Variants in MGAT4C observed in about 807,000 individuals in gnomAD.
MGAT4C encodes the protein MGAT4 family member C.
In MGAT4C, 19 loss-of-function variants were observed where a neutral mutation model predicts 40.1. The observed-to-expected ratio is 0.47, with a 90% CI of 0.33 to 0.70. The LOEUF is 0.70. MGAT4C is among the 30% of genes least tolerant of loss of function. The pLI, the probability that MGAT4C is intolerant of heterozygous loss-of-function variation, is 0.02. For missense variants in MGAT4C, 491 were observed against 563.2 expected (o/e 0.87, Z 1.30); for synonymous variants, 181 against 187.1 (o/e 0.97, Z 0.27).
chr12:86,137,540 C>T (rs1317109545), intron 1 of MGAT4C, among the ~76,000 whole-genome samples: 1 of 152,184 alleles, frequency 6.6e-6, no homozygotes, highest in Non-Finnish European at 1.5e-5. Context: ...TAAGTTTAAA[C>T]AAGCCCTTTG....
chr12:86,408,498 T>C (rs1956532093), intron 3 of MGAT4C, among the ~76,000 whole-genome samples: 1 of 142,670 alleles, frequency 7.0e-6, no homozygotes, highest in Non-Finnish European at 1.5e-5. Context: ...TATATATATA[T>C]ATATATATAT....
At chr12:86,464,574 T>C (rs1021274972) in intron 2 of MGAT4C, among the ~76,000 whole-genome samples, 1 of 152,176 alleles carries the variant, frequency 6.6e-6, no homozygotes, top group African/African-American at 2.4e-5. Flanking sequence ...CAGATGTTCT[T>C]AGAGCATATA....
chr12:86,138,496 T>TATATATCATATATATATTTCCATAG (rs1566037287), intron 1 of MGAT4C, among the ~76,000 whole-genome samples: 14 of 129,886 alleles, frequency 1.1e-4, no homozygotes, highest in South Asian at 4.5e-4. Flanking sequence ...TATTTCCATA[T>TATATATCATATATATATTTCCATAG]ATATATCATG....
chr12:86,470,301 T>C (rs1242135446), intron 2 of MGAT4C, among the ~76,000 whole-genome samples: 4 of 152,184 alleles, frequency 2.6e-5, no homozygotes, highest in Admixed American at 2.6e-4. Flanking sequence ...ATGGAAATAG[T>C]ACCCTTTGGT....
chr12:86,725,934 G>A (rs902084179), intron 2 of MGAT4C, among the ~76,000 whole-genome samples: 1 of 152,086 alleles, frequency 6.6e-6, no homozygotes, highest in Non-Finnish European at 1.5e-5. Flanking sequence ...TAGACTTTTA[G>A]GAATTAACTG....
chr12:86,406,944 G>A (rs1956485987), intron 3 of MGAT4C, among the ~76,000 whole-genome samples: 1 of 152,020 alleles, frequency 6.6e-6, no homozygotes, highest in Non-Finnish European at 1.5e-5. Flanking sequence ...CATAGGTTGT[G>A]GGCTCAGTCC....
At chr12:86,497,111 G>C (rs1348451673) in intron 2 of MGAT4C, among the ~76,000 whole-genome samples, 2 of 151,870 alleles carry the variant, frequency 1.3e-5, no homozygotes, top group Non-Finnish European at 2.9e-5. Flanking sequence ...AATCCAGATG[G>C]CTACAATTGC....
At chr12:86,050,148 A>G (rs896460288) in intron 1 of MGAT4C, among the ~76,000 whole-genome samples, 9 of 151,984 alleles carry the variant, frequency 5.9e-5, no homozygotes, top group Non-Finnish European at 1.2e-4. Context: ...CACTTCACCA[A>G]AAAGGTGCAC....
chr12:86,016,047 T>G (rs1889057961), intron 2 of MGAT4C: 1 of 152,194 alleles, frequency 6.6e-6, no homozygotes, highest in Non-Finnish European at 1.5e-5. Flanking sequence ...GACTGAGATT[T>G]GCTTGTAGGA....
chr12:86,384,761 C>T (rs186213023), intron 3 of MGAT4C, among the ~76,000 whole-genome samples: 4 of 152,278 alleles, frequency 2.6e-5, no homozygotes, highest in South Asian at 2.1e-4. Context: ...TTCTGTTTAA[C>T]GTCCAGTAAT....
At chr12:86,024,153 A>G (rs1890041680) in intron 2 of MGAT4C, among the ~76,000 whole-genome samples, 1 of 151,856 alleles carries the variant, frequency 6.6e-6, no homozygotes, top group African/African-American at 2.4e-5. Context: ...ATATGCATAT[A>G]CCCATTAACC....
At chr12:86,218,964 A>C (rs1313474941) in intron 1 of MGAT4C, among the ~76,000 whole-genome samples, 3 of 152,128 alleles carry the variant, frequency 2.0e-5, no homozygotes, top group Non-Finnish European at 4.4e-5. Flanking sequence ...ATGGATCACG[A>C]AGTCAAGAGA....
chr12:86,063,124 A>C (rs1894158357), intron 1 of MGAT4C, among the ~76,000 whole-genome samples: 1 of 152,300 alleles, frequency 6.6e-6, no homozygotes, highest in Admixed American at 6.5e-5. Flanking sequence ...GCAGCCAGAG[A>C]GAAAGGTCGG....
intron 1 of MGAT4C, among the ~76,000 whole-genome samples, chr12:86,240,467 T>C (rs1951738250): frequency 6.6e-6 from 1 of 152,108 alleles, no homozygotes; most frequent in Admixed American, 6.6e-5. Flanking sequence ...ACAATATTTA[T>C]TGGATAACTT....
At chr12:86,264,476 C>T (rs1952735682) in intron 4 of MGAT4C, among the ~76,000 whole-genome samples, 1 of 151,880 alleles carries the variant, frequency 6.6e-6, no homozygotes, top group South Asian at 2.1e-4. Flanking sequence ...GCGGGGGAGG[C>T]GGGGAGGGGG....
At chr12:86,340,237 A>C (rs1162056717) in intron 3 of MGAT4C, among the ~76,000 whole-genome samples, 1 of 152,128 alleles carries the variant, frequency 6.6e-6, no homozygotes, top group Non-Finnish European at 1.5e-5. Flanking sequence ...TACTTCTATA[A>C]TTTTTATCCA....
At chr12:86,110,300 C>CTATATATATAGTCTATATATA (rs1592965369) in intron 1 of MGAT4C, among the ~76,000 whole-genome samples, 1 of 12,224 alleles carries the variant, frequency 8.2e-5, no homozygotes, top group Admixed American at 1.3e-3. Flanking sequence ...TATAGTCTCT[C>CTATATATATAGTCTATATATA]TATATATATA....
intron 3 of MGAT4C, among the ~76,000 whole-genome samples, chr12:85,988,493 G>C (rs1251400938): frequency 1.3e-5 from 2 of 151,806 alleles, no homozygotes; most frequent in African/African-American, 2.4e-5. Context: ...TCACTTTTTA[G>C]TTCCTGTTAG....
At chr12:86,727,895 A>G (rs553751958) in intron 1 of MGAT4C, among the ~76,000 whole-genome samples, 1 of 152,246 alleles carries the variant, frequency 6.6e-6, no homozygotes, top group African/African-American at 2.4e-5. Context: ...CAGAACAAAA[A>G]AAAGAAACAA....
Sources: allele counts gnomAD v4.1 joint callset (sites outside exome capture counted in the v4.1 genomes callset), GRCh38; gene constraint gnomAD v4.1.1; transcripts MANE v1.5; gene names NCBI Gene and HGNC (gene_info 2026-07-23, HGNC 2026-07-21).